LRP1B: variants seen among roughly 807,000 people sequenced by gnomAD.
LRP1B encodes the protein low-density lipoprotein receptor-related protein 1B.
In LRP1B, 217 loss-of-function variants were observed where a neutral mutation model predicts 556.6. That is an observed-to-expected ratio of 0.39 (90% CI 0.35 to 0.44). The LOEUF is 0.44. LRP1B is among the 20% of genes least tolerant of loss of function. The probability of loss-of-function intolerance (pLI) is 1.00; values close to 1 mark genes in which losing one functional copy is unlikely to be tolerated. For missense variants in LRP1B, 5,053 were observed against 5,620.8 expected (o/e 0.90, Z 3.23); for synonymous variants, 2,047 against 1,865.8 (o/e 1.10, Z -2.50).
At chr2:140,426,069 C>T (rs1307501046) in intron 66 of LRP1B, among the ~76,000 whole-genome samples, 1 of 152,062 alleles carries the variant, frequency 6.6e-6, no homozygotes, top group Non-Finnish European at 1.5e-5. Flanking sequence ...ACAAACTGAG[C>T]CCAATGCTGT....
intron 7 of LRP1B, among the ~76,000 whole-genome samples, chr2:141,139,622 T>C (rs1701581308): frequency 6.6e-6 from 1 of 151,698 alleles, no homozygotes; most frequent in African/African-American, 2.4e-5. Context: ...TGCAGACAAA[T>C]ATAAAGTAAA....
chr2:141,981,317 G>A (rs1702037269), intron 1 of LRP1B, among the ~76,000 whole-genome samples: 1 of 152,060 alleles, frequency 6.6e-6, no homozygotes, highest in Admixed American at 6.6e-5. Context: ...CATTGGACCT[G>A]CAACCTCAAT....
chr2:140,483,640 A>ATTTT (rs1178469364), intron 59 of LRP1B, among the ~76,000 whole-genome samples: 22 of 70,736 alleles, frequency 3.1e-4, no homozygotes, highest in African/African-American at 1.4e-3. Context: ...ATATATATAT[A>ATTTT]TTTTTTTTTT....
intron 86 of LRP1B, among the ~76,000 whole-genome samples, chr2:140,267,244 G>T (rs1010007807): frequency 6.6e-6 from 1 of 151,886 alleles, no homozygotes; most frequent in African/African-American, 2.4e-5. Context: ...ATTTAGTAAA[G>T]GAATTGATGA....
rs35889376 is a variant in LRP1B at position 141,543,737 on chromosome 2, GA to G, written c.206-63205del. Among the ~76,000 whole-genome samples, 5 of 144,950 alleles carry G rather than the reference GA, an allele frequency of 3.4e-5. No individual in the cohort carries two copies. The East Asian group carries it at 6.1e-4, about 18-fold the overall frequency. On this transcript the variant is annotated intron_variant, in intron 2 of 90. Transcript: ENST00000389484. ...AAGATCCTGTCTCTAAAAGAAAAAA[GA>G]AAAAAAAAACAAATACACAGATAAA...
At chr2:141,341,707 A>G (rs2714224) in intron 3 of LRP1B, among the ~76,000 whole-genome samples, 90,284 of 151,998 alleles carry the variant, frequency 0.59, 27,731 homozygotes, top group African/African-American at 0.69. Context: ...AGCTTCTTCC[A>G]GGCCTTGCCA....
At chr2:141,313,449 G>A (rs1305283347) in intron 3 of LRP1B, among the ~76,000 whole-genome samples, 3 of 152,078 alleles carry the variant, frequency 2.0e-5, no homozygotes, top group Non-Finnish European at 4.4e-5. Flanking sequence ...ATAAAATGGA[G>A]ACATTTTTAG....
intron 90 of LRP1B, 37 bp from the exon 91 acceptor site, chr2:140,233,363 G>A (rs760720714): frequency 6.9e-7 from 1 of 1,444,052 alleles, no homozygotes; most frequent in Admixed American, 2.2e-5. Context: ...TTTTATTACT[G>A]GTCTTGGCCA....
rs1491550035 is a variant in LRP1B at position 141,133,303 on chromosome 2, TTC to T, written c.1013+55116_1013+55117del. On this transcript the variant is annotated intron_variant, in intron 7 of 90. Coordinates refer to ENST00000389484, the MANE Select transcript of LRP1B (RefSeq NM_018557.3). ...CCTGTAACGTCTCTTTTTTTTTTTT[TTC>T]CACAATACTGTATGCCATTTGATAT... Among the ~76,000 whole-genome samples, 1,062 of 146,920 alleles carry T rather than the reference TTC, an allele frequency of 7.2e-3. 12 individuals carry two copies. Among genetic ancestry groups the T allele is most frequent in the African/African-American group, 0.024 (956 of 40,606 alleles).
chr2:140,351,117 A>T (rs914254404), intron 76 of LRP1B, 79 bp from the exon 77 acceptor site: 4 of 945,828 alleles, frequency 4.2e-6, no homozygotes, highest in Non-Finnish European at 6.3e-6. Flanking sequence ...CTTTTAAATT[A>T]TCTTGAATTA....
chr2:141,033,713 G>A (rs1698445629), intron 11 of LRP1B, among the ~76,000 whole-genome samples: 1 of 152,042 alleles, frequency 6.6e-6, no homozygotes, highest in African/African-American at 2.4e-5. Flanking sequence ...TCCACCCCAT[G>A]GGAACACTGT....
At position 140,246,361 on chromosome 2, in the gene LRP1B, A is replaced by G. The variant is rs140864540; in HGVS notation, c.13324+725T>C. Among the ~76,000 whole-genome samples, 23 of 151,540 alleles carry G rather than the reference A, an allele frequency of 1.5e-4. No individual in the cohort carries two copies. In the East Asian group the frequency reaches 3.7e-3, roughly 24 times the overall value. On this transcript the variant is annotated intron_variant, in intron 87 of 90. Coordinates refer to ENST00000389484, the MANE Select transcript of LRP1B (RefSeq NM_018557.3). Reference sequence around the variant, plus strand: ...TTCAAAGGTTTTTCACTCATGGTCAAATTAATGACAACATGTGTGAACTGG... The same window carrying G: ...TTCAAAGGTTTTTCACTCATGGTCAGATTAATGACAACATGTGTGAACTGG...
chr2:140,416,491 C>CA (rs1685208744), intron 66 of LRP1B, among the ~76,000 whole-genome samples: 2 of 151,690 alleles, frequency 1.3e-5, no homozygotes, highest in Admixed American at 6.6e-5. Context: ...CATGTCTCTA[C>CA]AAAAAAATAC....
intron 41 of LRP1B, among the ~76,000 whole-genome samples, chr2:140,696,738 T>C (rs1216470196): frequency 6.6e-6 from 1 of 152,110 alleles, no homozygotes; most frequent in Non-Finnish European, 1.5e-5. Flanking sequence ...CCAGATTGTG[T>C]GCTCCTTTTG....
At position 141,074,043 on chromosome 2, in the gene LRP1B, T is replaced by C. The variant is rs551603403; in HGVS notation, c.1014-11770A>G. Among the ~76,000 whole-genome samples the C allele has an allele frequency of 3.9e-5, 6 of 152,232 alleles. No individual in the cohort carries two copies. In the South Asian group the frequency reaches 1.2e-3, roughly 32 times the overall value. On this transcript the variant is annotated intron_variant, in intron 7 of 90. Coordinates refer to ENST00000389484, the MANE Select transcript of LRP1B (RefSeq NM_018557.3). Reference sequence around the variant, plus strand: ...GCTGAGAGAAATAGGAATCAAATCTTACATTCCTAACATTACCAACAATGG... The same window carrying C: ...GCTGAGAGAAATAGGAATCAAATCTCACATTCCTAACATTACCAACAATGG...
chr2:140,331,396 G>T (rs17477437), intron 79 of LRP1B, among the ~76,000 whole-genome samples: 1 of 151,676 alleles, frequency 6.6e-6, no homozygotes, highest in Non-Finnish European at 1.5e-5. Context: ...TGTCTTATAC[G>T]GTGCCCAATA....
chr2:140,253,486 A>G (rs1681545492), intron 86 of LRP1B, among the ~76,000 whole-genome samples: 1 of 152,112 alleles, frequency 6.6e-6, no homozygotes, highest in Admixed American at 6.6e-5. Context: ...TAGTTTACCA[A>G]CAAATGATTC....
chr2:140,252,916 A>G (rs1262722991), intron 86 of LRP1B, among the ~76,000 whole-genome samples: 1 of 152,094 alleles, frequency 6.6e-6, no homozygotes, highest in Non-Finnish European at 1.5e-5. Flanking sequence ...CTCAATTCAT[A>G]CAATTTTGAA....
intron 2 of LRP1B, among the ~76,000 whole-genome samples, chr2:141,654,626 T>G (rs17737803): frequency 0.24 from 36,679 of 151,758 alleles, 5,514 homozygotes; most frequent in Non-Finnish European, 0.35. Flanking sequence ...GAACCTCCAT[T>G]TCTAGCTGTA....
Sources: gnomAD v4.1 joint callset for allele counts (sites outside exome capture counted in the v4.1 genomes callset) on GRCh38, gnomAD v4.1.1 for gene constraint, MANE v1.5 for transcripts, NCBI Gene and HGNC (gene_info 2026-07-23, HGNC 2026-07-21) for gene names.